Variants in KLF12 observed in about 807,000 individuals in gnomAD.
The protein encoded by KLF12 is Krueppel-like factor 12.
In KLF12, 9 loss-of-function variants were observed where a neutral mutation model predicts 37.8. The observed-to-expected ratio is 0.24, with a 90% CI of 0.14 to 0.42. The LOEUF is 0.42. KLF12 is among the 10% of genes least tolerant of loss of function. The pLI is 1.00. For synonymous variants in KLF12, 208 were observed against 202.1 expected, an observed-to-expected ratio of 1.03 and a Z score of -0.25; for missense variants, 411 against 516.0, an observed-to-expected ratio of 0.80 and a Z score of 1.97.
intron 5 of KLF12, among the ~76,000 whole-genome samples, chr13:73,772,786 T>C (rs1880352758): frequency 1.3e-5 from 2 of 152,074 alleles, no homozygotes; most frequent in Admixed American, 6.6e-5. Flanking sequence ...GAGGGTGGTC[T>C]GAGGGGAATG....
At chr13:73,891,103 A>C (rs1442884911) in intron 3 of KLF12, among the ~76,000 whole-genome samples, 1 of 152,146 alleles carries the variant, frequency 6.6e-6, no homozygotes, top group Non-Finnish European at 1.5e-5. Flanking sequence ...GACACAAAGG[A>C]TAAAAATAAA....
chr13:74,045,475 T>A (rs546878534), intron 1 of KLF12, among the ~76,000 whole-genome samples: 60 of 152,204 alleles, frequency 3.9e-4, no homozygotes, highest in Non-Finnish European at 5.6e-4. Context: ...AGGAGTCAGA[T>A]GTGATCACAA....
chr13:73,868,955 T>G (rs954199356), intron 3 of KLF12, among the ~76,000 whole-genome samples: 38 of 152,328 alleles, frequency 2.5e-4, no homozygotes, highest in Non-Finnish European at 4.9e-4. Flanking sequence ...GTCATATTTT[T>G]TAAAGGATAA....
the KLF12 span, among the ~76,000 whole-genome samples, chr13:74,242,611 G>T: frequency 6.6e-6 from 1 of 152,268 alleles, no homozygotes; most frequent in South Asian, 2.1e-4. Flanking sequence ...ACACACACGT[G>T]TTTATATGAG....
At chr13:73,859,135 G>C (rs1443064319) in intron 3 of KLF12, among the ~76,000 whole-genome samples, 1 of 152,170 alleles carries the variant, frequency 6.6e-6, no homozygotes, top group African/African-American at 2.4e-5. Context: ...GCAAGTGACA[G>C]CAACTCCCTC....
At chr13:74,174,393 C>T in the KLF12 span, among the ~76,000 whole-genome samples, 7 of 142,432 alleles carry the variant, frequency 4.9e-5, no homozygotes, top group South Asian at 2.2e-4. Flanking sequence ...AGTGCAGTGG[C>T]GCGAACTCGG....
the KLF12 span, among the ~76,000 whole-genome samples, chr13:74,241,635 C>T: frequency 6.6e-6 from 1 of 152,238 alleles, no homozygotes; most frequent in East Asian, 1.9e-4. Context: ...AAGCCAGGTG[C>T]CGGATATAAT....
intron 3 of KLF12, among the ~76,000 whole-genome samples, chr13:73,902,137 A>C (rs747009068): frequency 2.0e-5 from 3 of 152,234 alleles, no homozygotes; most frequent in African/African-American, 7.2e-5. Context: ...GAAAAGAACA[A>C]AAGTGTAATT....
At chr13:74,129,048 G>A (rs1878111690) in intron 1 of KLF12, among the ~76,000 whole-genome samples, 1 of 152,094 alleles carries the variant, frequency 6.6e-6, no homozygotes, top group Non-Finnish European at 1.5e-5. Flanking sequence ...ACAGTATGTA[G>A]TCATTCTTCA....
rs573761067 is a variant in KLF12, at chr13:74,089,333, A to G, written c.-32+44406T>C. On this transcript the variant is annotated intron_variant, in intron 1 of 7. Coordinates refer to ENST00000377669, the MANE Select transcript of KLF12 (RefSeq NM_007249.5). ...ATTACTGTGTTCTCTTTTTAACCCT[A>G]AAAGGACCAAATATCTTCAAAATAA... is the stretch of plus-strand genomic sequence containing the variant. 2.0e-5 allele frequency among the ~76,000 whole-genome samples: 3 copies of G among 152,314 alleles called. No homozygotes were observed. The South Asian group carries it at 6.2e-4, about 32-fold the overall frequency.
chr13:74,021,784 A>G (rs1327324887), intron 1 of KLF12, among the ~76,000 whole-genome samples: 1 of 152,204 alleles, frequency 6.6e-6, no homozygotes, highest in East Asian at 1.9e-4. Context: ...AATCTACCTC[A>G]AAGGATTGAT....
chr13:73,824,765 A>T (rs1883739751), intron 4 of KLF12, among the ~76,000 whole-genome samples: 1 of 152,078 alleles, frequency 6.6e-6, no homozygotes, highest in South Asian at 2.1e-4. Flanking sequence ...AATCTATTAG[A>T]AATATAGATT....
At chr13:74,198,590 T>C in the KLF12 span, among the ~76,000 whole-genome samples, 1 of 152,224 alleles carries the variant, frequency 6.6e-6, no homozygotes, top group Admixed American at 6.5e-5. Flanking sequence ...TTGAATCAAA[T>C]AGTAATTCAT....
chr13:73,723,708 C>T (rs1876445878), intron 6 of KLF12, among the ~76,000 whole-genome samples: 1 of 152,024 alleles, frequency 6.6e-6, no homozygotes, highest in Admixed American at 6.6e-5. Flanking sequence ...AATAAGTTAT[C>T]CTTATTTGAC....
chr13:73,988,490 G>A (rs1338401543), intron 2 of KLF12, among the ~76,000 whole-genome samples: 1 of 152,198 alleles, frequency 6.6e-6, no homozygotes, highest in Non-Finnish European at 1.5e-5. Context: ...ATATATGTTT[G>A]AATTGTAGTG....
At chr13:74,140,427 A>G in the KLF12 span, among the ~76,000 whole-genome samples, 6 of 152,128 alleles carry the variant, frequency 3.9e-5, no homozygotes, top group Admixed American at 2.0e-4. Flanking sequence ...CAGGAGGCTG[A>G]GGTGGGAGGA....
the KLF12 span, among the ~76,000 whole-genome samples, chr13:74,138,946 G>A: frequency 1.3e-5 from 2 of 152,094 alleles, no homozygotes; most frequent in Non-Finnish European, 2.9e-5. Flanking sequence ...CTCTAAAAAC[G>A]ATTCCTGCAT....
At chr13:74,277,866 C>A in the KLF12 span, among the ~76,000 whole-genome samples, 1 of 152,150 alleles carries the variant, frequency 6.6e-6, no homozygotes, top group Non-Finnish European at 1.5e-5. Context: ...GAAGCCTGAG[C>A]CCAAAGGATG....
intron 7 of KLF12, among the ~76,000 whole-genome samples, chr13:73,706,866 T>G (rs901055319): frequency 3.9e-5 from 6 of 152,362 alleles, no homozygotes; most frequent in Admixed American, 3.3e-4. Context: ...AAACAAGCAC[T>G]CAAGAGCAGC....
Sources: gnomAD v4.1 joint callset for allele counts (sites outside exome capture counted in the v4.1 genomes callset) on GRCh38, gnomAD v4.1.1 for gene constraint, MANE v1.5 for transcripts, NCBI Gene and HGNC (gene_info 2026-07-23, HGNC 2026-07-21) for gene names.